Variants in CLCN7 observed in about 807,000 individuals in gnomAD.
CLCN7 encodes Cl-/H+ antiporter 7, also known as H(+)/Cl(-) exchange transporter 7.
In CLCN7, 60 loss-of-function variants were observed where a neutral mutation model predicts 102.1. The ratio of observed to expected loss-of-function variants is 0.59; its 90% CI spans 0.48 to 0.73. CLCN7 has a LOEUF of 0.73. CLCN7 is among the 30% of genes least tolerant of loss of function. The pLI is 0.00. For missense variants in CLCN7, 962 were observed against 1,125.7 expected (o/e 0.85, Z 2.08); for synonymous variants, 560 against 490.5 (o/e 1.14, Z -1.87).
At chr16:1,453,779 A>G (rs1596216705) in intron 14 of CLCN7, 55 bp downstream of exon 14, 1 of 1,544,152 alleles carries the variant, frequency 6.5e-7, no homozygotes, top group Middle Eastern at 1.7e-4. Flanking sequence ...TCCGCTTTCA[A>G]AGGGCCTGTG....
chr16:1,468,944 G>A (rs34719423), intron 1 of CLCN7, among the ~76,000 whole-genome samples: 26,562 of 151,244 alleles, frequency 0.18, 2,764 homozygotes, highest in African/African-American at 0.28. Context: ...TAATCCCAGC[G>A]CTTTCGGAGG....
intron 1 of CLCN7, among the ~76,000 whole-genome samples, chr16:1,468,771 C>T (rs2745002): frequency 6.6e-6 from 1 of 152,008 alleles, no homozygotes; most frequent in African/African-American, 2.4e-5. Context: ...ACGCATTGCA[C>T]CGACACTCTC....
chr16:1,446,776 C>G, intron 24 of CLCN7, 59 bp from the exon 25 acceptor site: 1 of 1,428,758 alleles, frequency 7.0e-7, no homozygotes, highest in Non-Finnish European at 9.7e-7. Context: ...GCCTGTGGAG[C>G]TCCCTGCCTT....
chr16:1,449,185 C>A (rs577535446), intron 18 of CLCN7, 91 bp downstream of exon 18: 1 of 1,585,954 alleles, frequency 6.3e-7, no homozygotes, highest in East Asian at 2.3e-5. Context: ...TCCCATCCAC[C>A]TGCTCCCAGA....
intron 17 of CLCN7, 86 bp from the exon 18 acceptor site, chr16:1,449,413 G>A: frequency 1.5e-6 from 2 of 1,294,104 alleles, no homozygotes; most frequent in South Asian, 1.3e-5. Context: ...CCCTGCCCAG[G>A]CCCAGCAGCC....
chr16:1,453,880 C>T lies in CLCN7; in HGVS notation c.1168G>A (p.Ala390Thr). The T allele has an allele frequency of 6.2e-7, 1 of 1,613,256 alleles. No individual in the cohort carries two copies. Among genetic ancestry groups the T allele is most frequent in the Non-Finnish European group, 8.5e-7 (1 of 1,180,038 alleles). ...AMGVVGGVLG[A>T]VFNALNYWLT... Reference sequence around the variant, plus strand: ...CAGTAGTTCAAGGCATTGAACACTGCTCCAAGCACACCGCCTGCGAACAGG... The same window carrying T: ...CAGTAGTTCAAGGCATTGAACACTGTTCCAAGCACACCGCCTGCGAACAGG... Residue 390 changes from alanine to threonine, a missense_variant, in exon 14 of 25, where the codon GCA (alanine) becomes ACA (threonine). This residue lies in a region of CLCN7 where 799 missense variants were observed against 988.0 expected (regional missense o/e 0.81). Transcript: ENST00000382745.
At chr16:1,459,468 C>T (rs1456822511) in intron 6 of CLCN7, 6 of 381,628 alleles carry the variant, frequency 1.6e-5, no homozygotes, top group African/African-American at 2.5e-5. Flanking sequence ...GCACACGCGT[C>T]GGGGCCTCAG....
At chr16:1,465,991 C>T (rs573206046) in intron 1 of CLCN7, among the ~76,000 whole-genome samples, 152 of 152,354 alleles carry the variant, frequency 1.0e-3, no homozygotes, top group African/African-American at 3.4e-3. Context: ...GGCGCTGAGG[C>T]CAGGCTAGGA....
rs1412577375 is a variant in CLCN7 at position 1,453,814 on chromosome 16, G to A, written c.1214+20C>T. On this transcript the variant is annotated intron_variant, in intron 14 of 24. Coordinates refer to ENST00000382745, the MANE Select transcript of CLCN7 (RefSeq NM_001287.6). ...GTGGCCACGCCTGCCAACGCGATAT[G>A]CAATGCGGTTTCTCCTCACCTGATT... 6.2e-7 allele frequency: 1 copy of A among 1,612,378 alleles called. No individual in the cohort carries two copies. The highest frequency in any genetic ancestry group is 1.1e-5 in the South Asian group (1 of 91,066).
chr16:1,452,590 T>G, intron 15 of CLCN7, 165 bp downstream of exon 15: 51 of 718,462 alleles, frequency 7.1e-5, no homozygotes, highest in Non-Finnish European at 1.0e-4. Flanking sequence ...TGGCCTCCTC[T>G]GAGATCTGGG....
rs2038850050 is a variant in CLCN7 at position 1,457,330 on chromosome 16, G to A, written c.746C>T (p.Pro249Leu). 5 of 1,613,422 alleles carry A rather than the reference G, an allele frequency of 3.1e-6. No homozygotes were observed. Among genetic ancestry groups the A allele is most frequent in the Non-Finnish European group, 3.4e-6 (4 of 1,179,854 alleles). Residue 249 changes from proline to leucine, a missense_variant, in exon 9 of 25, where the codon CCG (proline) becomes CTG (leucine). Pro to Leu is a moderately conservative substitution (Grantham distance 98). Coordinates refer to ENST00000382745, the MANE Select transcript of CLCN7 (RefSeq NM_001287.6). This position sits in a 1 kb window ranked among gnomAD's most constrained non-coding sequence, Gnocchi z 5.4. ...AATCACTGAACCTGAGTGGATCATC[G>A]GCCCTTCCTGGAGACCAGAAGGACC... ...VGGLAVGKEG[P>L]MIHSGSVIAA...
chr16:1,461,279 T>C lies in CLCN7; in HGVS notation c.351+126A>G, dbSNP rs2038931518. 5 of 876,678 alleles carry C rather than the reference T, an allele frequency of 5.7e-6. No homozygotes were observed. The East Asian group carries it at 1.1e-4, about 19-fold the overall frequency. The allele number at this position is 876,678 out of a possible 1,614,324, so 54.3% of individuals were successfully genotyped here. ...CTAGAAACCAGACGAACCACAGGCC[T>C]CAGAGGCGGAGTCAGAGGAGGAGGG... On this transcript the variant is annotated intron_variant, in intron 4 of 24. Transcript: ENST00000382745.
chr16:1,447,750 G>A (rs200788238), intron 21 of CLCN7, 36 bp from the exon 22 acceptor site: 28 of 1,545,652 alleles, frequency 1.8e-5, no homozygotes, highest in East Asian at 1.2e-4. Flanking sequence ...CCACGGGCCC[G>A]AGGGTGGGAG....
At chr16:1,461,146 G>A (rs552040223) in intron 4 of CLCN7, among the ~76,000 whole-genome samples, 198 bp from the exon 5 acceptor site, 1 of 152,232 alleles carries the variant, frequency 6.6e-6, no homozygotes, top group Non-Finnish European at 1.5e-5. Flanking sequence ...GGGGAGGTGG[G>A]TGAATTCCCA....
chr16:1,450,568 G>C lies in CLCN7; in HGVS notation c.1546C>G (p.Pro516Ala). The change falls in exon 17 of 25, where the codon CCG becomes GCG. Residue 516 changes from proline to alanine, a missense_variant. Physicochemically the swap from Pro to Ala is conservative, Grantham distance 27. Coordinates refer to ENST00000382745, the MANE Select transcript of CLCN7 (RefSeq NM_001287.6). ...CAGGCAGCCCCGATGAGCAGGGACG[G>C]GATGAAGACCCCGGCAGACACCGTG... is the stretch of plus-strand genomic sequence containing the variant. ...GLTVSAGVFIPSLLIGAAWGR... is the reference protein window; with the variant it reads ...GLTVSAGVFIASLLIGAAWGR... 2 of 1,612,260 alleles carry C rather than the reference G, an allele frequency of 1.2e-6. No homozygotes were observed. Among genetic ancestry groups the C allele is most frequent in the Non-Finnish European group, 1.7e-6 (2 of 1,179,702 alleles).
chr16:1,451,564 A>G, intron 16 of CLCN7, 59 bp downstream of exon 16: 1 of 1,469,670 alleles, frequency 6.8e-7, no homozygotes, highest in East Asian at 2.3e-5. Context: ...ACACTCAGCC[A>G]GAAGGCATCA....
chr16:1,460,173 G>C (rs1255265803), intron 6 of CLCN7, among the ~76,000 whole-genome samples: 1 of 151,994 alleles, frequency 6.6e-6, no homozygotes, highest in Non-Finnish European at 1.5e-5. Flanking sequence ...GGGGCGGAGT[G>C]GGGTGAGGGT....
chr16:1,470,030 C>T (rs1196524194), intron 1 of CLCN7, among the ~76,000 whole-genome samples: 4 of 152,232 alleles, frequency 2.6e-5, no homozygotes, highest in South Asian at 2.1e-4. Flanking sequence ...CAGATGGCAA[C>T]GAGGGGGCTG....
At chr16:1,456,694 A>G (rs2038840119) in intron 9 of CLCN7, among the ~76,000 whole-genome samples, 1 of 152,054 alleles carries the variant, frequency 6.6e-6, no homozygotes, top group Admixed American at 6.5e-5. Context: ...CAAAAAACTT[A>G]GCCAGGCGTG....
Sources: gnomAD v4.1 joint callset for allele counts (sites outside exome capture counted in the v4.1 genomes callset) on GRCh38, gnomAD v4.1.1 for gene constraint, gnomAD v4.1.1 regional missense constraint, Gnocchi (gnomAD v3.1) non-coding constraint, MANE v1.5 for transcripts, NCBI Gene and HGNC (gene_info 2026-07-23, HGNC 2026-07-21) for gene names.